The following CADM1 variants were observed in gnomAD, a reference collection of about 807,000 sequenced individuals.
The protein encoded by CADM1 is TSLC-1.
Under a neutral mutation model 53.1 loss-of-function variants are expected in CADM1, and 15 were observed. The ratio of observed to expected loss-of-function variants is 0.28; its 90% CI spans 0.19 to 0.44. The LOEUF (loss-of-function observed/expected upper bound fraction) is 0.44, where lower values mean the gene tolerates loss of function less well. Ranked by LOEUF, CADM1 falls within the 20% of genes least tolerant of loss-of-function variation. CADM1 has a pLI of 1.00. For synonymous variants in CADM1, 281 were observed against 243.0 expected (o/e 1.16, Z -1.45); for missense variants, 434 against 611.3 (o/e 0.71, Z 3.06).
At chr11:115,302,673 C>T (rs1944260648) in intron 1 of CADM1, among the ~76,000 whole-genome samples, 1 of 151,890 alleles carries the variant, frequency 6.6e-6, no homozygotes, top group Admixed American at 6.6e-5. Flanking sequence ...GTTTTTGCTA[C>T]TGGGGTTATT....
chr11:115,361,247 T>C (rs1366875236), intron 1 of CADM1, among the ~76,000 whole-genome samples: 1 of 152,150 alleles, frequency 6.6e-6, no homozygotes, highest in African/African-American at 2.4e-5. Context: ...CTTTATAAAC[T>C]AGAGCTACTG....
chr11:115,336,834 G>GA (rs899852092), intron 1 of CADM1, among the ~76,000 whole-genome samples: 6 of 151,838 alleles, frequency 4.0e-5, no homozygotes, highest in East Asian at 3.9e-4. Flanking sequence ...ATCTCAAGAT[G>GA]AAAAAAAATT....
At chr11:115,330,200 A>G (rs1184909765) in intron 1 of CADM1, among the ~76,000 whole-genome samples, 1 of 151,894 alleles carries the variant, frequency 6.6e-6, no homozygotes, top group Non-Finnish European at 1.5e-5. Flanking sequence ...TTTTCTAAGT[A>G]CAGTCAGCTT....
At chr11:115,310,654 G>T (rs1481287765) in intron 1 of CADM1, among the ~76,000 whole-genome samples, 1 of 152,168 alleles carries the variant, frequency 6.6e-6, no homozygotes, top group Non-Finnish European at 1.5e-5. Context: ...ACCTATGGCA[G>T]CTGGAGGCCT....
intron 1 of CADM1, among the ~76,000 whole-genome samples, chr11:115,400,584 TATATATATCTCTCATATATATA>T (rs1250031312): frequency 2.1e-4 from 30 of 143,524 alleles, no homozygotes; most frequent in Middle Eastern, 7.2e-3. Flanking sequence ...ATATAATATA[TATATATATCTCTCATATATATA>T]ATATATATCT....
chr11:115,390,488 A>G (rs1946808419), intron 1 of CADM1, among the ~76,000 whole-genome samples: 1 of 151,934 alleles, frequency 6.6e-6, no homozygotes, highest in Non-Finnish European at 1.5e-5. Flanking sequence ...GGAGAAAAGC[A>G]GGGGAGAGAC....
At chr11:115,354,630 T>G (rs1252754696) in intron 1 of CADM1, among the ~76,000 whole-genome samples, 2 of 152,124 alleles carry the variant, frequency 1.3e-5, no homozygotes, top group Non-Finnish European at 2.9e-5. Flanking sequence ...GGTGGCCCAA[T>G]AATTACAATA....
chr11:115,293,823 A>G (rs1271720460), intron 1 of CADM1, among the ~76,000 whole-genome samples: 1 of 152,218 alleles, frequency 6.6e-6, no homozygotes, highest in Non-Finnish European at 1.5e-5. Context: ...CAGAAACAGA[A>G]TAAGAAGCAA....
At chr11:115,356,669 A>G (rs567087677) in intron 1 of CADM1, among the ~76,000 whole-genome samples, 1 of 152,356 alleles carries the variant, frequency 6.6e-6, no homozygotes, top group South Asian at 2.1e-4. Flanking sequence ...GGAAAACAGC[A>G]GTCCATGTAA....
intron 1 of CADM1, among the ~76,000 whole-genome samples, chr11:115,294,864 G>A (rs934261022): frequency 3.8e-4 from 58 of 151,922 alleles, no homozygotes; most frequent in African/African-American, 1.2e-3. Context: ...GTGAAACTCC[G>A]TCTCTACTAA....
At chr11:115,329,386 TG>T (rs1199617503) in intron 1 of CADM1, among the ~76,000 whole-genome samples, 1 of 152,128 alleles carries the variant, frequency 6.6e-6, no homozygotes, top group Non-Finnish European at 1.5e-5. Flanking sequence ...TGTTGCAGTC[TG>T]GGCATTTTTT....
At chr11:115,180,076 G>A (rs1211213652) in intron 10 of CADM1, among the ~76,000 whole-genome samples, 1 of 152,148 alleles carries the variant, frequency 6.6e-6, no homozygotes, top group African/African-American at 2.4e-5. Flanking sequence ...TATCGATCAA[G>A]TGTACAGATC....
At position 115,291,193 on chromosome 11, in the gene CADM1, T is replaced by C. The variant is rs1030908233; in HGVS notation, c.125-50773A>G. On this transcript the variant is annotated intron_variant, in intron 1 of 11. Transcript: ENST00000331581. ...CCTAGAGATTCTTAACTGGAGGATG[T>C]GTGTTCCAGGAAATGATTAATGCTT... Among the ~76,000 whole-genome samples the C allele has an allele frequency of 5.8e-4, 88 of 152,122 alleles. 1 individual carries two copies. The highest frequency in any genetic ancestry group is 2.1e-3 in the African/African-American group (87 of 41,428).
chr11:115,328,395 GTTA>G (rs1452843284), intron 1 of CADM1, among the ~76,000 whole-genome samples: 2 of 151,872 alleles, frequency 1.3e-5, no homozygotes, highest in Non-Finnish European at 2.9e-5. Flanking sequence ...TATTTATAAA[GTTA>G]TTGTTTGTAG....
At chr11:115,190,862 T>C (rs1276138801) in intron 10 of CADM1, 26 bp downstream of exon 10, 4 of 1,584,378 alleles carry the variant, frequency 2.5e-6, no homozygotes, top group Non-Finnish European at 3.4e-6. Flanking sequence ...GACACTGCAG[T>C]GCCTTACCTA....
chr11:115,489,831 T>C (rs1256152123), intron 1 of CADM1, among the ~76,000 whole-genome samples: 5 of 152,192 alleles, frequency 3.3e-5, no homozygotes, highest in Non-Finnish European at 5.9e-5. Flanking sequence ...CAGAATGCAG[T>C]GCTTGAGGTG....
chr11:115,438,490 ACAGT>A (rs1948234239), intron 1 of CADM1, among the ~76,000 whole-genome samples: 2 of 152,098 alleles, frequency 1.3e-5, no homozygotes, highest in African/African-American at 2.4e-5. Flanking sequence ...AACAAATCAG[ACAGT>A]CAGAGCTGTT....
At chr11:115,445,071 C>T (rs1357670584) in intron 1 of CADM1, among the ~76,000 whole-genome samples, 1 of 152,068 alleles carries the variant, frequency 6.6e-6, no homozygotes, top group African/African-American at 2.4e-5. Context: ...GATCTCAGAA[C>T]GTATTTGGAA....
chr11:115,445,079 G>A (rs1474830187), intron 1 of CADM1, among the ~76,000 whole-genome samples: 2 of 152,160 alleles, frequency 1.3e-5, no homozygotes, highest in African/African-American at 4.8e-5. Flanking sequence ...AACGTATTTG[G>A]AAGGGGGAAA....
Sources: gnomAD v4.1 joint callset for allele counts (sites outside exome capture counted in the v4.1 genomes callset) on GRCh38, gnomAD v4.1.1 for gene constraint, MANE v1.5 for transcripts, NCBI Gene and HGNC (gene_info 2026-07-23, HGNC 2026-07-21) for gene names.